The following CCDC172 variants were observed in gnomAD, a reference collection of about 807,000 sequenced individuals.
CCDC172 encodes coiled-coil domain-containing protein 172.
In CCDC172, 30 loss-of-function variants were observed where a neutral mutation model predicts 38.0. The ratio of observed to expected loss-of-function variants is 0.79; its 90% CI spans 0.59 to 1.07. The LOEUF (loss-of-function observed/expected upper bound fraction) is 1.07, where lower values mean the gene tolerates loss of function less well. Among genes scored for constraint, CCDC172 ranks in the 50% least tolerant of loss-of-function variants. The probability of loss-of-function intolerance (pLI) is 0.00; values close to 1 mark genes in which losing one functional copy is unlikely to be tolerated. For synonymous variants in CCDC172, 78 were observed against 88.3 expected, an observed-to-expected ratio of 0.88 and a Z score of 0.66; for missense variants, 297 against 290.1, an observed-to-expected ratio of 1.02 and a Z score of -0.17.
intron 4 of CCDC172, among the ~76,000 whole-genome samples, chr10:116,341,645 A>G (rs1042688702): frequency 2.0e-5 from 3 of 151,962 alleles, no homozygotes; most frequent in African/African-American, 7.2e-5. Context: ...CCTGTAAGGC[A>G]GTAATCCCTT....
chr10:116,331,635 C>G (rs979219111), intron 3 of CCDC172, among the ~76,000 whole-genome samples: 2 of 152,022 alleles, frequency 1.3e-5, no homozygotes, highest in African/African-American at 4.8e-5. Context: ...GCCTTGAATT[C>G]TACTTGTTTG....
chr10:116,372,087 T>A (rs1845192198), intron 7 of CCDC172, among the ~76,000 whole-genome samples: 1 of 152,150 alleles, frequency 6.6e-6, no homozygotes, highest in Non-Finnish European at 1.5e-5. Flanking sequence ...GCTTCAGAGC[T>A]GAAGTTAGAT....
At chr10:116,329,361 A>G (rs985474913) in intron 3 of CCDC172, among the ~76,000 whole-genome samples, 9 of 151,556 alleles carry the variant, frequency 5.9e-5, no homozygotes, top group African/African-American at 2.2e-4. Flanking sequence ...GGATATGCCA[A>G]TCATTCTTTG....
intron 8 of CCDC172, 38 bp from the exon 9 acceptor site, chr10:116,379,285 A>C (rs1435872641): frequency 7.6e-7 from 1 of 1,324,406 alleles, no homozygotes; most frequent in Non-Finnish European, 1.0e-6. Context: ...TTAAGAATTT[A>C]CTTTTCCTCA....
At chr10:116,359,614 A>G (rs749521263) in intron 7 of CCDC172, among the ~76,000 whole-genome samples, 6 of 152,302 alleles carry the variant, frequency 3.9e-5, no homozygotes, top group Admixed American at 3.3e-4. Context: ...GTCTCCAGAC[A>G]TTGCAAAATG....
chr10:116,333,870 G>A (rs940530431), intron 3 of CCDC172, among the ~76,000 whole-genome samples: 2 of 152,126 alleles, frequency 1.3e-5, no homozygotes, highest in African/African-American at 4.8e-5. Flanking sequence ...AAGGTGAGTG[G>A]GAAGGATCAA....
At chr10:116,332,878 T>G (rs1844682345) in intron 3 of CCDC172, among the ~76,000 whole-genome samples, 1 of 152,128 alleles carries the variant, frequency 6.6e-6, no homozygotes, top group South Asian at 2.1e-4. Context: ...CTCAGAAGTC[T>G]GGGAAAACTT....
intron 7 of CCDC172, among the ~76,000 whole-genome samples, chr10:116,364,274 A>G (rs1261884343): frequency 2.0e-5 from 3 of 152,216 alleles, no homozygotes; most frequent in Non-Finnish European, 4.4e-5. Context: ...TCAATTTTTG[A>G]AAGATCAAAT....
chr10:116,353,267 A>G (rs1009531799), intron 5 of CCDC172, among the ~76,000 whole-genome samples: 19 of 152,196 alleles, frequency 1.2e-4, no homozygotes, highest in African/African-American at 4.3e-4. Context: ...TCAGACAGCT[A>G]AATGTAAGAG....
At chr10:116,324,856 ATCT>A in intron 1 of CCDC172, 88 bp from the exon 2 acceptor site, 1 of 646,412 alleles carries the variant, frequency 1.5e-6, no homozygotes, top group Non-Finnish European at 2.7e-6. Context: ...GTCGGGCTCC[ATCT>A]TCTTGCTGGG....
intron 5 of CCDC172, among the ~76,000 whole-genome samples, chr10:116,344,880 A>C (rs575633189): frequency 4.6e-5 from 7 of 151,428 alleles, no homozygotes; most frequent in South Asian, 4.2e-4. Context: ...AAAAAAAAAA[A>C]ACCTAAAACA....
At chr10:116,347,766 CA>C (rs1398799010) in intron 5 of CCDC172, among the ~76,000 whole-genome samples, 2 of 152,028 alleles carry the variant, frequency 1.3e-5, no homozygotes, top group Non-Finnish European at 2.9e-5. Context: ...AAAACAAAGA[CA>C]AAATTGTCAT....
chr10:116,354,900 G>A (rs932448315), intron 5 of CCDC172, among the ~76,000 whole-genome samples: 3 of 152,096 alleles, frequency 2.0e-5, no homozygotes, highest in African/African-American at 7.2e-5. Context: ...GTGTGTATTT[G>A]TGTCTTCGTT....
intron 5 of CCDC172, among the ~76,000 whole-genome samples, chr10:116,354,367 C>T (rs975138489): frequency 6.6e-6 from 1 of 151,888 alleles, no homozygotes; most frequent in Non-Finnish European, 1.5e-5. Flanking sequence ...AAAAAGTTAA[C>T]TGTAAAACAG....
intron 3 of CCDC172, 98 bp downstream of exon 3, chr10:116,325,486 T>A (rs1400101911): frequency 3.4e-6 from 3 of 890,530 alleles, no homozygotes; most frequent in Non-Finnish European, 5.2e-6. Context: ...GTCCTTCAAG[T>A]AGGAAGCACG....
intron 3 of CCDC172, among the ~76,000 whole-genome samples, chr10:116,329,333 A>G (rs896085009): frequency 3.7e-5 from 5 of 136,226 alleles, no homozygotes; most frequent in Non-Finnish European, 7.8e-5. Context: ...GAACCTTTGT[A>G]ATGGGCTGTT....
At chr10:116,347,656 TA>T (rs1487548953) in intron 5 of CCDC172, among the ~76,000 whole-genome samples, 1 of 152,066 alleles carries the variant, frequency 6.6e-6, no homozygotes, top group Non-Finnish European at 1.5e-5. Flanking sequence ...AGTATTTCCA[TA>T]AAAGTTAGTA....
At chr10:116,346,021 A>C (rs544443803) in intron 5 of CCDC172, among the ~76,000 whole-genome samples, 14 of 152,262 alleles carry the variant, frequency 9.2e-5, no homozygotes, top group Admixed American at 7.2e-4. Flanking sequence ...AATTGAACAT[A>C]ACTTAAATGT....
At chr10:116,336,910 G>A (rs888727330) in intron 3 of CCDC172, among the ~76,000 whole-genome samples, 1 of 152,210 alleles carries the variant, frequency 6.6e-6, no homozygotes, top group South Asian at 2.1e-4. Flanking sequence ...GGCAGCAAGA[G>A]TAGTGAAAAG....
Sources: gnomAD v4.1 joint callset for allele counts (sites outside exome capture counted in the v4.1 genomes callset) on GRCh38, gnomAD v4.1.1 for gene constraint, MANE v1.5 for transcripts, NCBI Gene and HGNC (gene_info 2026-07-23, HGNC 2026-07-21) for gene names.